The following FRMD4B variants were observed in gnomAD, a reference collection of about 807,000 sequenced individuals.
The protein encoded by FRMD4B is FERM domain-containing protein 4B.
In FRMD4B, 74 loss-of-function variants were observed where a neutral mutation model predicts 141.5. The observed-to-expected ratio is 0.52, with a 90% CI of 0.43 to 0.63. The LOEUF (loss-of-function observed/expected upper bound fraction) is 0.63, where lower values mean the gene tolerates loss of function less well. Ranked by LOEUF, FRMD4B falls within the 30% of genes least tolerant of loss-of-function variation. The pLI is 0.00. For missense variants in FRMD4B, 1,366 were observed against 1,253.4 expected (o/e 1.09, Z -1.36); for synonymous variants, 506 against 467.9 (o/e 1.08, Z -1.05).
At chr3:69,473,759 A>G (rs1705933821) in intron 1 of FRMD4B, among the ~76,000 whole-genome samples, 1 of 152,182 alleles carries the variant, frequency 6.6e-6, no homozygotes, top group African/African-American at 2.4e-5. Flanking sequence ...TATGACATAA[A>G]AATTTAGGTG....
intron 1 of FRMD4B, among the ~76,000 whole-genome samples, chr3:69,501,228 C>CTT (rs534864440): frequency 0.018 from 2,095 of 117,228 alleles, 71 homozygotes; most frequent in African/African-American, 0.062. Context: ...CATGGACCTT[C>CTT]TTTTTTTTTT....
chr3:69,449,361 C>A (rs549853902), intron 1 of FRMD4B, among the ~76,000 whole-genome samples: 12 of 152,194 alleles, frequency 7.9e-5, no homozygotes, highest in Non-Finnish European at 1.6e-4. Context: ...GAGAACCTTA[C>A]AGTTTTGACT....
At chr3:69,330,435 C>T (rs1307315331) in intron 1 of FRMD4B, among the ~76,000 whole-genome samples, 1 of 147,618 alleles carries the variant, frequency 6.8e-6, no homozygotes, top group East Asian at 2.0e-4. Flanking sequence ...CAACCTCTGC[C>T]TCCTGGGTTC....
chr3:69,508,993 A>G (rs1706643790), intron 1 of FRMD4B, among the ~76,000 whole-genome samples: 1 of 152,212 alleles, frequency 6.6e-6, no homozygotes, highest in Admixed American at 6.5e-5. Flanking sequence ...TAGGTCTTGA[A>G]TTCTTTTAAA....
At chr3:69,179,496 T>C (rs1406183581) in intron 21 of FRMD4B, among the ~76,000 whole-genome samples, 1 of 152,184 alleles carries the variant, frequency 6.6e-6, no homozygotes, top group African/African-American at 2.4e-5. Flanking sequence ...AGCCCTTTCA[T>C]ATGTTAGATG....
chr3:69,206,700 T>C (rs772260532), intron 11 of FRMD4B, among the ~76,000 whole-genome samples: 1 of 152,232 alleles, frequency 6.6e-6, no homozygotes, highest in Non-Finnish European at 1.5e-5. Flanking sequence ...GGTTTTTAAA[T>C]ATTTCCAATA....
chr3:69,531,868 T>C (rs1343099857), intron 1 of FRMD4B, among the ~76,000 whole-genome samples: 1 of 152,226 alleles, frequency 6.6e-6, no homozygotes. Context: ...TCTTAATATG[T>C]TTGAATCAAA....
chr3:69,198,444 G>A (rs1280222033), intron 12 of FRMD4B: 2 of 430,882 alleles, frequency 4.6e-6, no homozygotes, highest in East Asian at 3.7e-5. Context: ...AACAAGTGTC[G>A]GTGAGGATGT....
In FRMD4B at chr3:69,471,991, CTTT is replaced by C. The variant is rs58822985; in HGVS notation, c.-128-39233_-128-39231del. The C allele has an allele frequency of 6.8e-3, 1,011 of 148,690 alleles. 27 individuals are homozygous for C. In the East Asian group the frequency reaches 0.1, roughly 15 times the overall value. The allele number at this position is 148,690 out of a possible 1,614,324, so 9.2% of individuals were successfully genotyped here. ...TTCTCCCCTCACTGGTGAAAGTTGT[CTTT>C]TTTTTTTTTTTATAAAAGAGAACTT... On this transcript the variant is annotated intron_variant, in intron 1 of 5. Coordinates refer to the FRMD4B transcript ENST00000459638.
intron 7 of FRMD4B, among the ~76,000 whole-genome samples, chr3:69,236,199 A>G (rs1048268227): frequency 6.0e-5 from 9 of 150,922 alleles, no homozygotes; most frequent in African/African-American, 1.9e-4. Context: ...CACCAAATTT[A>G]GGGTTTTATT....
rs1322960967 is a variant in FRMD4B at position 69,187,779 on chromosome 3, C to T, written c.1910G>A (p.Arg637Lys). Reference sequence around the variant, plus strand: ...TGATATGACCTCTCACCTGGACTGCCTGGTATCCACAAACTGTTCATTGAT... The same window carrying T: ...TGATATGACCTCTCACCTGGACTGCTTGGTATCCACAAACTGTTCATTGAT... ...SSINEQFVDT[R>K]QSREMLSTHS... The change falls in exon 19 of 23, where the codon AGG (arginine) becomes AAG (lysine). Residue 637 changes from arginine to lysine, a missense_variant. Transcript: ENST00000398540. 1.9e-6 allele frequency: 3 copies of T among 1,611,970 alleles called. No individual in the cohort carries two copies. The Admixed American group carries it at 5.0e-5, about 27-fold the overall frequency.
chr3:69,517,478 T>C (rs1700781858), intron 1 of FRMD4B, among the ~76,000 whole-genome samples: 1 of 152,114 alleles, frequency 6.6e-6, no homozygotes, highest in Non-Finnish European at 1.5e-5. Context: ...GGATCAGAGA[T>C]ATAACCCAAA....
In FRMD4B at chr3:69,294,264, A is replaced by T. The variant is rs758671478; in HGVS notation, c.417-6428T>A. On this transcript the variant is annotated intron_variant, in intron 4 of 22. Coordinates refer to ENST00000398540, the MANE Select transcript of FRMD4B (RefSeq NM_015123.3). ...CAGCCACACGCCTAGGTAGATTTCT[A>T]TCAGATCCTCATCCACATTCTGAGC... Among the ~76,000 whole-genome samples the T allele has an allele frequency of 2.0e-5, 3 of 152,208 alleles. No individual in the cohort carries two copies. In the East Asian group the frequency reaches 5.8e-4, roughly 29 times the overall value.
intron 3 of FRMD4B, among the ~76,000 whole-genome samples, chr3:69,308,201 T>A (rs924086691): frequency 1.3e-5 from 2 of 152,124 alleles, no homozygotes; most frequent in Non-Finnish European, 2.9e-5. Context: ...CTTACCTGAT[T>A]TAATAGTATT....
At chr3:69,529,201 G>A (rs548574160) in intron 1 of FRMD4B, among the ~76,000 whole-genome samples, 5 of 152,334 alleles carry the variant, frequency 3.3e-5, no homozygotes, top group African/African-American at 1.2e-4. Context: ...ATGTGAGAAT[G>A]CAGCCAGTGT....
intron 4 of FRMD4B, among the ~76,000 whole-genome samples, chr3:69,291,177 A>T (rs1300833930): frequency 6.6e-6 from 1 of 152,196 alleles, no homozygotes; most frequent in East Asian, 1.9e-4. Flanking sequence ...CCCTAAAAAA[A>T]TCCTAGGTCA....
At chr3:69,330,614 G>C (rs111282429) in intron 1 of FRMD4B, among the ~76,000 whole-genome samples, 2,664 of 151,360 alleles carry the variant, frequency 0.018, 90 homozygotes, top group African/African-American at 0.061. Context: ...CAAAGTTCTG[G>C]GATTACAGAC....
chr3:69,378,189 C>T (rs548446680), intron 1 of FRMD4B, among the ~76,000 whole-genome samples: 7 of 152,194 alleles, frequency 4.6e-5, no homozygotes, highest in African/African-American at 1.7e-4. Flanking sequence ...TTGTTAATCT[C>T]CATTTCAGAG....
At chr3:69,248,151 T>C (rs2093437008) in intron 7 of FRMD4B, among the ~76,000 whole-genome samples, 1 of 152,290 alleles carries the variant, frequency 6.6e-6, no homozygotes, top group South Asian at 2.1e-4. Flanking sequence ...TCTTGTTTTT[T>C]TTTTTAAACT....
Sources: gnomAD v4.1 joint callset for allele counts (sites outside exome capture counted in the v4.1 genomes callset) on GRCh38, gnomAD v4.1.1 for gene constraint, MANE v1.5 for transcripts, NCBI Gene and HGNC (gene_info 2026-07-23, HGNC 2026-07-21) for gene names.